Variants in TMEM200A observed in about 807,000 individuals in gnomAD.
TMEM200A encodes transmembrane protein 200A, also known as two transmembrane C.
Under a neutral mutation model 24.3 loss-of-function variants are expected in TMEM200A, and 12 were observed. That is an observed-to-expected ratio of 0.49 (90% CI 0.32 to 0.80). The LOEUF is 0.80. TMEM200A is among the 30% of genes least tolerant of loss of function. The pLI is 0.04. For synonymous variants in TMEM200A, 224 were observed against 224.4 expected (o/e 1.00, Z 0.02); for missense variants, 545 against 614.4 (o/e 0.89, Z 1.19).
intron 1 of TMEM200A, among the ~76,000 whole-genome samples, chr6:130,382,480 TG>T (rs752842532): frequency 2.0e-5 from 3 of 152,342 alleles, no homozygotes; most frequent in Non-Finnish European, 4.4e-5. Flanking sequence ...GAGTCTTCTC[TG>T]GCCTTTCTCA....
rs138545863 is a variant in TMEM200A, at chr6:130,388,511, C to T, written c.-17+3275C>T. 8.5e-5 allele frequency among the ~76,000 whole-genome samples: 13 copies of T among 152,286 alleles called. No homozygotes were observed. In the East Asian group the frequency reaches 2.3e-3, roughly 27 times the overall value. ...TCTGTAGATGTTAAATGTGGATTCT[C>T]GCTTGTACATGTTTTCATTCATGCA... On this transcript the variant is annotated intron_variant, in intron 2 of 2. Coordinates refer to ENST00000296978, the MANE Select transcript of TMEM200A (RefSeq NM_001258277.2).
At chr6:130,387,576 A>T (rs570542287) in intron 2 of TMEM200A, among the ~76,000 whole-genome samples, 1 of 152,318 alleles carries the variant, frequency 6.6e-6, no homozygotes, top group African/African-American at 2.4e-5. Context: ...CCCAGTCTGG[A>T]TAGAGTTCTT....
chr6:130,412,489 C>G (rs1468617986), intron 2 of TMEM200A, among the ~76,000 whole-genome samples: 1 of 152,126 alleles, frequency 6.6e-6, no homozygotes, highest in South Asian at 2.1e-4. Context: ...CCCACAGCCC[C>G]ATATGAAGTG....
chr6:130,405,570 A>G (rs1366947147), intron 2 of TMEM200A, among the ~76,000 whole-genome samples: 1 of 152,196 alleles, frequency 6.6e-6, no homozygotes. Flanking sequence ...CTAACTGAGA[A>G]TGAGGAATCA....
At chr6:130,439,308 G>A (rs1780097477) in intron 2 of TMEM200A, 1 of 152,136 alleles carries the variant, frequency 6.6e-6, no homozygotes, top group Non-Finnish European at 1.5e-5. Flanking sequence ...TTAGAACAGA[G>A]GGGTGGAATT....
intron 2 of TMEM200A, among the ~76,000 whole-genome samples, chr6:130,414,939 C>G (rs2115168823): frequency 1.3e-5 from 2 of 152,220 alleles, no homozygotes; most frequent in South Asian, 4.2e-4. Context: ...GGGCCAGCAC[C>G]ATACTGAACT....
intron 2 of TMEM200A, among the ~76,000 whole-genome samples, chr6:130,391,003 T>C (rs1480130359): frequency 1.3e-5 from 2 of 152,190 alleles, no homozygotes; most frequent in Non-Finnish European, 2.9e-5. Flanking sequence ...AAAAATTGTC[T>C]CCAGACATTG....
At position 130,397,490 on chromosome 6, in the gene TMEM200A, A is replaced by G. The variant is rs537342516; in HGVS notation, c.-17+12254A>G. Among the ~76,000 whole-genome samples the G allele has an allele frequency of 1.2e-4, 18 of 152,196 alleles. No individual in the cohort carries two copies. In the South Asian group the frequency reaches 3.7e-3, roughly 32 times the overall value. ...TTGCCATGATGTAAAAATCCTTTTC[A>G]TCCTTAATAATGTTTTTCCCCCTCT... On this transcript the variant is annotated intron_variant, in intron 2 of 2. Transcript: ENST00000296978.
chr6:130,383,720 A>AT (rs796173661), intron 1 of TMEM200A, among the ~76,000 whole-genome samples: 1 of 152,076 alleles, frequency 6.6e-6, no homozygotes, highest in South Asian at 2.1e-4. Flanking sequence ...ATAAAAGATT[A>AT]TTTTTTCCTT....
chr6:130,371,904 G>C lies in TMEM200A; in HGVS notation c.-81+5380G>C, dbSNP rs1329602049. 2.0e-5 allele frequency among the ~76,000 whole-genome samples: 3 copies of C among 152,318 alleles called. No homozygotes were observed. The East Asian group carries it at 5.8e-4, about 29-fold the overall frequency. On this transcript the variant is annotated intron_variant, in intron 1 of 2. Coordinates refer to ENST00000296978, the MANE Select transcript of TMEM200A (RefSeq NM_001258277.2). ...CTCAGAGGGAGACAGGATTTTATTA[G>C]TTGTCAGGCACTATCAGGGAAGGAG...
chr6:130,375,604 G>T (rs1469997088), intron 1 of TMEM200A, among the ~76,000 whole-genome samples: 3 of 152,140 alleles, frequency 2.0e-5, no homozygotes, highest in Admixed American at 1.3e-4. Context: ...GAGTGCATGC[G>T]CTCATTTAGA....
intron 1 of TMEM200A, among the ~76,000 whole-genome samples, chr6:130,369,230 G>C (rs1583166643): frequency 6.6e-6 from 1 of 152,190 alleles, no homozygotes; most frequent in African/African-American, 2.4e-5. Context: ...TGATGCAATA[G>C]ATTTTTGTAA....
chr6:130,399,053 C>T (rs1024915734), intron 2 of TMEM200A, among the ~76,000 whole-genome samples: 3 of 151,924 alleles, frequency 2.0e-5, no homozygotes, highest in African/African-American at 7.2e-5. Flanking sequence ...GATAGTTTAG[C>T]TAGTTATGCA....
chr6:130,441,105 A>C lies in TMEM200A; in HGVS notation c.683A>C (p.Glu228Ala). Residue 228 changes from glutamate (E) to alanine (A), a missense_variant, in exon 3 of 3, where the codon GAG becomes GCG. Transcript: ENST00000296978. ...TTTCGAATGGACAGCTCCGTGGAGG[A>C]GGATGAACTTATGTTAAATGAAGGT... ...SSFRMDSSVE[E>A]DELMLNEGKS... The C allele has an allele frequency of 6.2e-7, 1 of 1,613,906 alleles. No homozygotes were observed. The highest frequency in any genetic ancestry group is 8.5e-7 in the Non-Finnish European group (1 of 1,179,962).
intron 2 of TMEM200A, among the ~76,000 whole-genome samples, chr6:130,436,662 T>TTTTTTC (rs1408022765): frequency 1.6e-5 from 2 of 128,278 alleles, no homozygotes; most frequent in Admixed American, 8.3e-5. Context: ...TTTTTTTTTT[T>TTTTTTC]CAGAGAGACA....
chr6:130,418,753 C>T (rs1779513814), intron 2 of TMEM200A, among the ~76,000 whole-genome samples: 1 of 152,024 alleles, frequency 6.6e-6, no homozygotes, highest in Admixed American at 6.6e-5. Context: ...ATATGCTTAA[C>T]CTCTTTAGAT....
chr6:130,424,465 T>C lies in TMEM200A; in HGVS notation c.-16-15942T>C, dbSNP rs142169537. Among the ~76,000 whole-genome samples, 16 of 152,210 alleles carry C rather than the reference T, an allele frequency of 1.1e-4. No individual in the cohort carries two copies. The East Asian group carries it at 2.5e-3, about 24-fold the overall frequency. On this transcript the variant is annotated intron_variant, in intron 2 of 2. Transcript: ENST00000296978. ...CATACTTTCCCCCAAAGTCTCCAGA[T>C]GAATAATTTAAAACTTCTTGGCAGT...
At chr6:130,398,151 T>C (rs6935143) in intron 2 of TMEM200A, among the ~76,000 whole-genome samples, 4,793 of 152,078 alleles carry the variant, frequency 0.032, 96 homozygotes, top group African/African-American at 0.057. Context: ...TAGTCCCCGG[T>C]GCCTGTTGTT....
At chr6:130,436,655 T>TTTTTTTTTTTTTTTTTTTTTTTTTTTTTG (rs1780025015) in intron 2 of TMEM200A, among the ~76,000 whole-genome samples, 1 of 105,842 alleles carries the variant, frequency 9.4e-6, no homozygotes, top group Non-Finnish European at 1.8e-5. Context: ...TTTTTTTTTT[T>TTTTTTTTTTTTTTTTTTTTTTTTTTTTTG]TTTTTTTCAG....
Sources: gnomAD v4.1 joint callset for allele counts (sites outside exome capture counted in the v4.1 genomes callset) on GRCh38, gnomAD v4.1.1 for gene constraint, MANE v1.5 for transcripts, NCBI Gene and HGNC (gene_info 2026-07-23, HGNC 2026-07-21) for gene names.